The following RNF19B variants were observed in gnomAD, a reference collection of about 807,000 sequenced individuals.
The protein encoded by RNF19B is E3 ubiquitin-protein ligase RNF19B.
Under a neutral mutation model 65.5 loss-of-function variants are expected in RNF19B, and 23 were observed. The observed-to-expected ratio is 0.35, with a 90% CI of 0.25 to 0.50. The LOEUF (loss-of-function observed/expected upper bound fraction) is 0.50. RNF19B is among the 20% of genes least tolerant of loss of function. The probability of loss-of-function intolerance (pLI) is 0.98; values close to 1 mark genes in which losing one functional copy is unlikely to be tolerated. For synonymous variants in RNF19B, 372 were observed against 379.6 expected, an observed-to-expected ratio of 0.98 and a Z score of 0.23; for missense variants, 794 against 980.0, an observed-to-expected ratio of 0.81 and a Z score of 2.53.
chr1:32,946,904 T>C (rs1053677476), intron 3 of RNF19B, among the ~76,000 whole-genome samples: 3 of 152,214 alleles, frequency 2.0e-5, no homozygotes, highest in African/African-American at 7.2e-5. Context: ...GCACTTGACA[T>C]CCCATCCAGA....
At chr1:32,952,012 T>C (rs969554640) in intron 1 of RNF19B, among the ~76,000 whole-genome samples, 2 of 149,380 alleles carry the variant, frequency 1.3e-5, no homozygotes, top group East Asian at 4.0e-4. Flanking sequence ...TTGGCAAGAC[T>C]GGTCTTCAAC....
chr1:32,949,626 A>G lies in RNF19B; in HGVS notation c.784T>C (p.Leu262=), dbSNP rs1231973246. 6.2e-7 allele frequency: 1 copy of G among 1,613,960 alleles called. No homozygotes were observed. The highest frequency in any genetic ancestry group is 8.5e-7 in the Non-Finnish European group (1 of 1,180,030). The change falls in exon 2 of 9, where the codon TTA becomes CTA. Residue 262 remains leucine, a synonymous_variant. Transcript: ENST00000235150. ...GAAGTGTGTTTGGTCCGAACTCGTA[A>G]AGTCTGGGCCCTCTGTTGACGGGCC... ...DMARQQRAQT[L]RVRTKHTSGL...
chr1:32,955,687 T>C (rs1226847453), intron 1 of RNF19B, among the ~76,000 whole-genome samples: 1 of 149,380 alleles, frequency 6.7e-6, no homozygotes, highest in Admixed American at 6.7e-5. Flanking sequence ...AGGTGGAGGC[T>C]GCAGTGAGCC....
intron 1 of RNF19B, among the ~76,000 whole-genome samples, chr1:32,952,453 A>AC (rs1553145518): frequency 1.8e-3 from 268 of 148,966 alleles, no homozygotes; most frequent in African/African-American, 6.6e-3. Flanking sequence ...AAAAAAAAAA[A>AC]AAAAAACAGC....
intron 2 of RNF19B, among the ~76,000 whole-genome samples, chr1:32,949,367 A>T (rs1205054600): frequency 6.6e-6 from 1 of 152,086 alleles, no homozygotes; most frequent in Non-Finnish European, 1.5e-5. Context: ...TTGCATTTCA[A>T]TTTTATATAG....
intron 1 of RNF19B, among the ~76,000 whole-genome samples, chr1:32,953,028 G>A (rs1305978773): frequency 6.9e-6 from 1 of 145,268 alleles, no homozygotes; most frequent in Non-Finnish European, 1.5e-5. Flanking sequence ...GGACAGTGGT[G>A]TGATGATAGC....
At chr1:32,946,362 A>C (rs764218663) in intron 4 of RNF19B, 40 bp downstream of exon 4, 1 of 1,594,078 alleles carries the variant, frequency 6.3e-7, no homozygotes, top group Non-Finnish European at 8.6e-7. Context: ...TAACGAACCT[A>C]AAGTTGAAAC....
Position 32,946,612 on chromosome 1 carries a change from T to C in RNF19B, c.984-48A>G, listed in dbSNP as rs780936067. The stretch of plus-strand genomic sequence containing the variant: ...TTAATGTCAACATTACAAATACAGC[T>C]AGTATTATCATAGGGCTTGATAACA... On this transcript the variant is annotated intron_variant, in intron 3 of 8. Coordinates refer to ENST00000235150, the MANE Select transcript of RNF19B (RefSeq NM_001300826.2). 1.9e-6 allele frequency: 3 copies of C among 1,551,328 alleles called. No individual in the cohort carries two copies. The East Asian group carries it at 6.8e-5, about 35-fold the overall frequency.
chr1:32,929,733 A>G, the RNF19B span, among the ~76,000 whole-genome samples: 15 of 152,198 alleles, frequency 9.9e-5, no homozygotes, highest in Admixed American at 7.2e-4. Context: ...TGGTGACTCA[A>G]AACAGGCCTC....
the RNF19B span, among the ~76,000 whole-genome samples, chr1:32,931,118 C>T: frequency 6.6e-6 from 1 of 152,152 alleles, no homozygotes; most frequent in African/African-American, 2.4e-5. Context: ...GCTGCTAAAG[C>T]CAATATGCTG....
chr1:32,960,583 C>G lies in RNF19B; in HGVS notation c.635+3468G>C, dbSNP rs1022679275. Among the ~76,000 whole-genome samples the G allele has an allele frequency of 7.2e-5, 11 of 152,078 alleles. 1 individual carries two copies. Among genetic ancestry groups the G allele is most frequent in the Admixed American group, 6.6e-5 (1 of 15,254 alleles). ...TCAAGGAGTTCAAGGTTGTAGTAAG[C>G]CATGATCATGCCACTGCACTCCAGC... On this transcript the variant is annotated intron_variant, in intron 1 of 8. Coordinates refer to ENST00000235150, the MANE Select transcript of RNF19B (RefSeq NM_001300826.2).
chr1:32,933,273 G>C (rs1331705612), downstream of RNF19B, among the ~76,000 whole-genome samples: 1 of 144,260 alleles, frequency 6.9e-6, no homozygotes, highest in Non-Finnish European at 1.5e-5. Flanking sequence ...TTTTTTTTGT[G>C]AGACGGAGTC....
At chr1:32,958,851 G>A in intron 1 of RNF19B, among the ~76,000 whole-genome samples, 1 of 152,156 alleles carries the variant, frequency 6.6e-6, no homozygotes, top group Non-Finnish European at 1.5e-5. Context: ...AGGCAGGGGA[G>A]TGATACAGAT....
chr1:32,956,544 G>A (rs1297071946), intron 1 of RNF19B, among the ~76,000 whole-genome samples: 8 of 151,938 alleles, frequency 5.3e-5, no homozygotes, highest in Non-Finnish European at 2.9e-5. Context: ...CTCCAGCACG[G>A]GCAACAGAGT....
Position 32,937,007 on chromosome 1 carries a change from G to A in RNF19B, c.1995C>T (p.Asp665=), listed in dbSNP as rs1642121344. ...SLAQPESIRS[D]LESSDAQSDD... ...CTGACTGTGCATCAGAACTCTCTAG[G>A]TCACTGCGGATGCTTTCAGGCTGGG... Residue 665 remains aspartate, a synonymous_variant, in exon 9 of 9, where the codon GAC becomes GAT. Transcript: ENST00000235150. 6.2e-7 allele frequency: 1 copy of A among 1,614,162 alleles called. No homozygotes were observed. The highest frequency in any genetic ancestry group is 2.2e-5 in the East Asian group (1 of 44,880).
chr1:32,957,683 C>T (rs892974147), intron 1 of RNF19B, among the ~76,000 whole-genome samples: 3 of 152,102 alleles, frequency 2.0e-5, no homozygotes, highest in African/African-American at 4.8e-5. Context: ...AAAATACAAA[C>T]ATTAGCTGGA....
intron 3 of RNF19B, among the ~76,000 whole-genome samples, chr1:32,947,397 C>T (rs989271388): frequency 7.2e-5 from 11 of 152,202 alleles, no homozygotes; most frequent in Non-Finnish European, 1.5e-4. Context: ...CGGTGGCTCG[C>T]GCTTGTAATC....
At chr1:32,932,982 A>G (rs1642044260), downstream of RNF19B, among the ~76,000 whole-genome samples, 1 of 152,166 alleles carries the variant, frequency 6.6e-6, no homozygotes, top group African/African-American at 2.4e-5. Flanking sequence ...CTCTAATAAA[A>G]TGGAACCTTA....
chr1:32,932,078 G>A (rs147300014), downstream of RNF19B, among the ~76,000 whole-genome samples: 1 of 152,308 alleles, frequency 6.6e-6, no homozygotes, highest in African/African-American at 2.4e-5. Flanking sequence ...CCAATTTTAA[G>A]TGGAAAAGGA....
Sources: gnomAD v4.1 joint callset for allele counts (sites outside exome capture counted in the v4.1 genomes callset) on GRCh38, gnomAD v4.1.1 for gene constraint, MANE v1.5 for transcripts, NCBI Gene and HGNC (gene_info 2026-07-23, HGNC 2026-07-21) for gene names.